The following CD2 variants were observed in gnomAD, a reference collection of about 807,000 sequenced individuals.
CD2 encodes CD2 molecule, also known as T-cell surface antigen CD2.
A neutral mutation model predicts 23.2 loss-of-function variants in CD2; 18 were observed. The ratio of observed to expected loss-of-function variants is 0.77; its 90% confidence interval spans 0.54 to 1.15. The LOEUF is 1.15. CD2 is among the 50% of genes most tolerant of loss of function. The pLI, the probability that CD2 is intolerant of heterozygous loss-of-function variation, is 0.00. For missense variants in CD2, 424 were observed against 423.1 expected (o/e 1.00, Z -0.02); for synonymous variants, 162 against 151.9 (o/e 1.07, Z -0.49).
chr1:116,757,048 G>C (rs925626189), intron 2 of CD2, among the ~76,000 whole-genome samples: 2 of 149,656 alleles, frequency 1.3e-5, no homozygotes, highest in African/African-American at 4.9e-5. Flanking sequence ...CCAGGCTGGA[G>C]TGCACTGGCA....
chr1:116,760,576 G>T lies in CD2; in HGVS notation c.557G>T (p.Cys186Phe), dbSNP rs1370342250. ...ACCAGCCTGAGTGCAAAATTCAAGT[G>T]CACAGCAGGGAACAAAGTCAGCAAG... ...WTTSLSAKFK[C>F]TAGNKVSKES... The change falls in exon 3 of 5, where the codon TGC becomes TTC. Residue 186 changes from cysteine (C) to phenylalanine (F), a missense_variant. By Grantham distance (205) the Cys-to-Phe change is radical (BLOSUM62 -2). Coordinates refer to ENST00000369478, the MANE Select transcript of CD2 (RefSeq NM_001767.5). 6.2e-7 allele frequency: 1 copy of T among 1,614,076 alleles called. No homozygotes were observed. Among genetic ancestry groups the T allele is most frequent in the Non-Finnish European group, 8.5e-7 (1 of 1,180,042 alleles).
rs1309420307 is a variant in CD2, at chr1:116,768,738, T to A, written c.1011T>A (p.Pro337=). The change falls in exon 5 of 5, where the codon CCT becomes CCA. Residue 337 remains proline, a synonymous_variant. Coordinates refer to ENST00000369478, the MANE Select transcript of CD2 (RefSeq NM_001767.5). ...PLPRPRVQPK[P]PHGAAENSLS... is the part of the protein sequence containing the mutation. ...CCAGACCTCGAGTTCAGCCAAAACCTCCCCATGGGGCAGCAGAAAACTCAT... is the reference window on the plus strand; with the variant it reads ...CCAGACCTCGAGTTCAGCCAAAACCACCCCATGGGGCAGCAGAAAACTCAT... 6.2e-6 allele frequency: 10 copies of A among 1,613,712 alleles called. No homozygotes were observed. The highest frequency in any genetic ancestry group is 8.5e-6 in the Non-Finnish European group (10 of 1,179,970).
intron 4 of CD2, among the ~76,000 whole-genome samples, chr1:116,767,084 T>C: frequency 6.6e-6 from 1 of 152,160 alleles, no homozygotes; most frequent in East Asian, 1.9e-4. Context: ...TTGTCCTTTC[T>C]GGAGGCCCTT....
chr1:116,761,793 C>T (rs1652063311), intron 3 of CD2, among the ~76,000 whole-genome samples: 1 of 152,160 alleles, frequency 6.6e-6, no homozygotes, highest in African/African-American at 2.4e-5. Context: ...CCACATTCCC[C>T]CATCACTAAG....
intron 2 of CD2, among the ~76,000 whole-genome samples, chr1:116,757,481 C>A (rs547802299): frequency 1.2e-4 from 19 of 152,162 alleles, no homozygotes; most frequent in Non-Finnish European, 2.4e-4. Context: ...AGTTCTAAGA[C>A]GCTATCTTAG....
At chr1:116,764,376 C>G in intron 3 of CD2, 108 bp from the exon 4 acceptor site, 1 of 1,495,680 alleles carries the variant, frequency 6.7e-7, no homozygotes, top group Middle Eastern at 2.4e-4. Flanking sequence ...GTGAAAGGTC[C>G]CAACAAGCTC....
intron 4 of CD2, 174 bp downstream of exon 4, chr1:116,764,780 G>A (rs529758051): frequency 3.3e-6 from 2 of 606,526 alleles, no homozygotes; most frequent in African/African-American, 3.7e-5. Context: ...CTTGATTTTT[G>A]AAAAACAAAT....
chr1:116,765,197 G>A (rs963824961), intron 4 of CD2, among the ~76,000 whole-genome samples: 3 of 152,146 alleles, frequency 2.0e-5, no homozygotes, highest in Non-Finnish European at 2.9e-5. Flanking sequence ...GTGGGGAGCC[G>A]GCTTAGGGAG....
chr1:116,762,866 G>A (rs566727233), intron 3 of CD2, among the ~76,000 whole-genome samples: 2 of 152,348 alleles, frequency 1.3e-5, no homozygotes, highest in Middle Eastern at 3.4e-3. Context: ...AGCAGGCTGT[G>A]TAAGGCATTG....
intron 4 of CD2, among the ~76,000 whole-genome samples, chr1:116,767,241 G>T (rs1407417325): frequency 5.3e-5 from 8 of 152,120 alleles, no homozygotes; most frequent in Non-Finnish European, 1.2e-4. Context: ...GAAGTTACAG[G>T]GTGATGCTTA....
intron 4 of CD2, among the ~76,000 whole-genome samples, chr1:116,768,174 G>A (rs1557920355): frequency 6.6e-6 from 1 of 152,134 alleles, no homozygotes; most frequent in South Asian, 2.1e-4. Context: ...AGGGTTCCAG[G>A]TCTGCGTGCT....
intron 3 of CD2, among the ~76,000 whole-genome samples, chr1:116,762,425 G>A (rs1169191466): frequency 1.3e-5 from 2 of 152,298 alleles, no homozygotes; most frequent in Middle Eastern, 3.4e-3. Flanking sequence ...ACTCTATGGT[G>A]CAGAGCAGAA....
chr1:116,758,048 A>G (rs998625007), intron 2 of CD2, among the ~76,000 whole-genome samples: 1 of 151,642 alleles, frequency 6.6e-6, no homozygotes, highest in Middle Eastern at 3.2e-3. Flanking sequence ...GATTACAGGC[A>G]TGAGCCACCT....
At chr1:116,764,427 G>A (rs1432569823) in intron 3 of CD2, 57 bp from the exon 4 acceptor site, 17 of 1,592,586 alleles carry the variant, frequency 1.1e-5, no homozygotes, top group Non-Finnish European at 1.4e-5. Flanking sequence ...CTTGGCCAGA[G>A]TAATGGGCTC....
intron 3 of CD2, among the ~76,000 whole-genome samples, chr1:116,762,130 C>T (rs1277476936): frequency 1.3e-5 from 2 of 152,092 alleles, no homozygotes; most frequent in Non-Finnish European, 2.9e-5. Context: ...GCAGTGGCCT[C>T]GGGAGATCTT....
intron 4 of CD2, among the ~76,000 whole-genome samples, chr1:116,766,127 C>A (rs1262714589): frequency 6.6e-6 from 1 of 152,360 alleles, no homozygotes; most frequent in East Asian, 1.9e-4. Context: ...CTGTCAGCCT[C>A]GCTTGCCTCA....
intron 2 of CD2, 145 bp downstream of exon 2, chr1:116,755,096 T>G: frequency 1.6e-6 from 1 of 634,660 alleles, no homozygotes; most frequent in Non-Finnish European, 2.8e-6. Flanking sequence ...CCTGCCCCAG[T>G]GGAGACTGTG....
At chr1:116,767,212 T>C (rs1214822843) in intron 4 of CD2, among the ~76,000 whole-genome samples, 1 of 152,184 alleles carries the variant, frequency 6.6e-6, no homozygotes, top group African/African-American at 2.4e-5. Context: ...GGAGGCCATC[T>C]GGTTTGAATC....
intron 3 of CD2, among the ~76,000 whole-genome samples, chr1:116,761,699 G>A (rs1380595794): frequency 6.6e-6 from 1 of 152,138 alleles, no homozygotes; most frequent in African/African-American, 2.4e-5. Context: ...CAGGAAGCAG[G>A]GGTCATTGAA....
Sources: allele counts gnomAD v4.1 joint callset (sites outside exome capture counted in the v4.1 genomes callset), GRCh38; gene constraint gnomAD v4.1.1; transcripts MANE v1.5; gene names NCBI Gene and HGNC (gene_info 2026-07-23, HGNC 2026-07-21).